The following C12orf75 variants were observed in gnomAD, a reference collection of about 807,000 sequenced individuals.
C12orf75 encodes the protein chromosome 12 open reading frame 75.
Under a neutral mutation model 11.4 loss-of-function variants are expected in C12orf75, and 4 were observed. That is an observed-to-expected ratio of 0.35 (90% CI 0.17 to 0.80). The LOEUF (loss-of-function observed/expected upper bound fraction) is 0.80, where lower values mean the gene tolerates loss of function less well. C12orf75 is among the 30% of genes least tolerant of loss of function. C12orf75 has a pLI of 0.52. For synonymous variants in C12orf75, 30 were observed against 30.0 expected (o/e 1.00, Z 0.00); for missense variants, 89 against 80.4 (o/e 1.11, Z -0.41).
intron 1 of C12orf75, among the ~76,000 whole-genome samples, chr12:105,331,286 C>G (rs1161235581): frequency 6.6e-6 from 1 of 151,998 alleles, no homozygotes; most frequent in African/African-American, 2.4e-5. Context: ...TCCCCCACCT[C>G]CCACACTTGC....
intron 1 of C12orf75, among the ~76,000 whole-genome samples, chr12:105,337,679 A>G (rs577046000): frequency 9.6e-4 from 146 of 152,342 alleles, no homozygotes; most frequent in Non-Finnish European, 1.6e-3. Context: ...GATGTTATCT[A>G]TAGGAGTATT....
chr12:105,332,260 G>T (rs1389280189), intron 1 of C12orf75, among the ~76,000 whole-genome samples: 1 of 152,104 alleles, frequency 6.6e-6, no homozygotes, highest in Non-Finnish European at 1.5e-5. Context: ...TCCACTGCAT[G>T]TGTAGCCTAC....
intron 2 of C12orf75, among the ~76,000 whole-genome samples, chr12:105,362,821 C>A (rs984112594): frequency 3.3e-5 from 5 of 152,154 alleles, no homozygotes; most frequent in African/African-American, 1.2e-4. Context: ...TTCGTAAGTT[C>A]GGTCATGCTA....
Position 105,330,883 on chromosome 12 carries a change from G to C in C12orf75, c.-9G>C. 8 of 1,254,256 alleles carry C rather than the reference G, an allele frequency of 6.4e-6. No individual in the cohort carries two copies. The highest frequency in any genetic ancestry group is 8.0e-6 in the Non-Finnish European group (8 of 1,000,594). The allele number at this position is 1,254,256 out of a possible 1,614,324, so 77.7% of individuals were successfully genotyped here. A position where few individuals can be genotyped will look rare whatever the true frequency, so the allele number is the denominator to read the frequency against. ...GCTCCGGAGCGCGGCTTCCCCGGCCGGCTGCGCGATGGGCTGCGGGAACTC... is the reference window on the plus strand; with the variant it reads ...GCTCCGGAGCGCGGCTTCCCCGGCCCGCTGCGCGATGGGCTGCGGGAACTC... On this transcript the variant is annotated 5_prime_UTR_variant, in exon 1 of 6. Transcript: ENST00000443585.
chr12:105,340,176 A>G (rs1892550129), intron 1 of C12orf75, among the ~76,000 whole-genome samples: 1 of 151,988 alleles, frequency 6.6e-6, no homozygotes, highest in African/African-American at 2.4e-5. Context: ...CTGTAATCCC[A>G]GCACTTTGGG....
intron 2 of C12orf75, among the ~76,000 whole-genome samples, chr12:105,365,040 T>A (rs1871426373): frequency 6.6e-6 from 1 of 152,038 alleles, no homozygotes; most frequent in South Asian, 2.1e-4. Flanking sequence ...TTTCAGCATG[T>A]TGGCCAAGCT....
intron 2 of C12orf75, among the ~76,000 whole-genome samples, chr12:105,351,402 A>G (rs1892712242): frequency 6.6e-6 from 1 of 152,182 alleles, no homozygotes; most frequent in African/African-American, 2.4e-5. Flanking sequence ...GAAATACTAT[A>G]TATTTAAAAA....
chr12:105,354,617 T>A (rs1199176070), intron 2 of C12orf75, among the ~76,000 whole-genome samples: 1 of 152,206 alleles, frequency 6.6e-6, no homozygotes, highest in African/African-American at 2.4e-5. Context: ...TGAAAAAATT[T>A]GGCAGGGCCT....
chr12:105,338,525 T>C (rs1892524649), intron 1 of C12orf75, among the ~76,000 whole-genome samples: 1 of 152,188 alleles, frequency 6.6e-6, no homozygotes, highest in African/African-American at 2.4e-5. Context: ...TAGTTCATTT[T>C]TGTGTTGCTA....
At chr12:105,338,085 T>C (rs1385331440) in intron 1 of C12orf75, among the ~76,000 whole-genome samples, 1 of 152,232 alleles carries the variant, frequency 6.6e-6, no homozygotes, top group Non-Finnish European at 1.5e-5. Flanking sequence ...TAGCTCCATA[T>C]AGACATGGCT....
rs1220528185 is a variant in C12orf75, at chr12:105,348,630, A to G, written c.71+4A>G. ...CTGCAGGAGCAGCCAAAGATGTGTA[A>G]GTATTGAATATTAATGATTTTATAA... On this transcript the variant is annotated splice_donor_region_variant and intron_variant, in intron 2 of 5. Coordinates refer to ENST00000443585, the MANE Select transcript of C12orf75 (RefSeq NM_001145199.2). The G allele has an allele frequency of 3.3e-6, 5 of 1,533,512 alleles. No homozygotes were observed. In the Admixed American group the frequency reaches 6.1e-5, roughly 19 times the overall value. The allele number at this position is 1,533,512 out of a possible 1,614,324, so 95.0% of individuals were successfully genotyped here. A position where few individuals can be genotyped will look rare whatever the true frequency, so the allele number is the denominator to read the frequency against.
intron 1 of C12orf75, among the ~76,000 whole-genome samples, chr12:105,340,495 C>T (rs1454873436): frequency 2.0e-5 from 3 of 151,124 alleles, no homozygotes; most frequent in South Asian, 2.1e-4. Context: ...TTATCATTCA[C>T]GAGGAATAAA....
In C12orf75 at chr12:105,358,042, C is replaced by T. The variant is rs538839988; in HGVS notation, c.72-7765C>T. ...TTTGTATTTTTTGAAGAAACAGGGT[C>T]TCCCTTTGTTGCCCCAGCTGATCTT... On this transcript the variant is annotated intron_variant, in intron 2 of 5. Transcript: ENST00000443585. 4.7e-4 allele frequency among the ~76,000 whole-genome samples: 71 copies of T among 152,176 alleles called. No individual in the cohort carries two copies. The South Asian group carries it at 0.012, about 27-fold the overall frequency.
intron 2 of C12orf75, 44 bp downstream of exon 2, chr12:105,348,670 G>A: frequency 7.1e-7 from 1 of 1,410,680 alleles, no homozygotes; most frequent in South Asian, 1.3e-5. Context: ...TCTTTCTGAG[G>A]AAGTTGCTGT....
intron 2 of C12orf75, among the ~76,000 whole-genome samples, chr12:105,359,085 G>T (rs992217181): frequency 3.9e-5 from 6 of 152,134 alleles, no homozygotes; most frequent in African/African-American, 1.4e-4. Flanking sequence ...TTGATCCCTT[G>T]GTAATTTGGG....
At chr12:105,345,679 T>TTTTG (rs1375191325) in intron 1 of C12orf75, among the ~76,000 whole-genome samples, 1 of 141,280 alleles carries the variant, frequency 7.1e-6, no homozygotes, top group Non-Finnish European at 1.5e-5. Flanking sequence ...TTTTTTTTTT[T>TTTTG]GAGACAGAGT....
intron 2 of C12orf75, among the ~76,000 whole-genome samples, chr12:105,350,666 C>T (rs950393391): frequency 6.6e-6 from 1 of 152,056 alleles, no homozygotes; most frequent in Non-Finnish European, 1.5e-5. Context: ...TCTTCATGTT[C>T]TTGTCTTTTT....
intron 1 of C12orf75, among the ~76,000 whole-genome samples, chr12:105,335,750 C>T (rs1221075763): frequency 6.6e-6 from 1 of 152,120 alleles, no homozygotes; most frequent in Non-Finnish European, 1.5e-5. Context: ...TCTCCTTTCC[C>T]CTCCCACAAA....
intron 1 of C12orf75, among the ~76,000 whole-genome samples, chr12:105,343,394 A>G (rs1276804781): frequency 3.9e-5 from 6 of 152,336 alleles, no homozygotes; most frequent in Non-Finnish European, 5.9e-5. Flanking sequence ...GTGGCCTGGA[A>G]AAAAATAGAT....
Sources: gnomAD v4.1 joint callset for allele counts (sites outside exome capture counted in the v4.1 genomes callset) on GRCh38, gnomAD v4.1.1 for gene constraint, MANE v1.5 for transcripts, NCBI Gene and HGNC (gene_info 2026-07-23, HGNC 2026-07-21) for gene names.